Variants in PARD3 observed in about 807,000 individuals in gnomAD.
PARD3 encodes the protein partitioning defective 3 homolog.
A neutral mutation model predicts 155.4 loss-of-function variants in PARD3; 75 were observed. That is an observed-to-expected ratio of 0.48 (90% CI 0.40 to 0.58). PARD3 has a LOEUF of 0.58. Among genes scored for constraint, PARD3 ranks in the 20% least tolerant of loss-of-function variants. PARD3 has a pLI of 0.00. For missense variants in PARD3, 1,642 were observed against 1,721.7 expected (o/e 0.95, Z 0.82); for synonymous variants, 576 against 610.5 (o/e 0.94, Z 0.83).
intron 3 of PARD3, among the ~76,000 whole-genome samples, chr10:34,480,751 A>G (rs1009114434): frequency 6.7e-6 from 1 of 148,926 alleles, no homozygotes; most frequent in Non-Finnish European, 1.5e-5. Flanking sequence ...TTTATTTTAA[A>G]CTTTTATTTT....
At chr10:34,614,778 G>GA (rs960358107) in intron 2 of PARD3, among the ~76,000 whole-genome samples, 4 of 151,566 alleles carry the variant, frequency 2.6e-5, no homozygotes, top group South Asian at 2.1e-4. Context: ...CACAGAAATG[G>GA]AAAAAAAATC....
intron 15 of PARD3, chr10:34,345,349 GAGTCC>G: frequency 1.0e-6 from 1 of 985,242 alleles, no homozygotes; most frequent in South Asian, 4.7e-5. Context: ...GTTTAGCCTA[GAGTCC>G]TACATAGGGG....
chr10:34,295,894 C>G (rs1162338030), intron 20 of PARD3, among the ~76,000 whole-genome samples: 1 of 152,170 alleles, frequency 6.6e-6, no homozygotes, highest in African/African-American at 2.4e-5. Context: ...CAGATGTACC[C>G]TGCCTTAAAA....
At position 34,126,373 on chromosome 10, in the gene PARD3, A is replaced by G. The variant is rs991365693; in HGVS notation, c.3540+5090T>C. ...AATTTTCCGCAGCATCCTGCTCTGT[A>G]TGTAAAGTAATTGGCTTACATATTT... On this transcript the variant is annotated intron_variant, in intron 23 of 24. Coordinates refer to ENST00000374788, the MANE Select transcript of PARD3 (RefSeq NM_001184785.2). Among the ~76,000 whole-genome samples, 48 of 152,206 alleles carry G rather than the reference A, an allele frequency of 3.2e-4. 1 individual carries two copies.
chr10:34,789,041 G>A (rs1841325485), intron 1 of PARD3, among the ~76,000 whole-genome samples: 1 of 152,188 alleles, frequency 6.6e-6, no homozygotes, highest in Non-Finnish European at 1.5e-5. Flanking sequence ...TATTTTAAAT[G>A]ATGAAAAATG....
At chr10:34,268,256 G>A (rs1341158271) in intron 22 of PARD3, among the ~76,000 whole-genome samples, 2 of 151,972 alleles carry the variant, frequency 1.3e-5, no homozygotes, top group Non-Finnish European at 2.9e-5. Context: ...TTAGAATGGT[G>A]ATCATTAAAA....
chr10:34,779,214 G>C (rs1447538666), intron 1 of PARD3, among the ~76,000 whole-genome samples: 1 of 151,864 alleles, frequency 6.6e-6, no homozygotes, highest in South Asian at 2.1e-4. Flanking sequence ...GCTGAGGCAG[G>C]AGAATCGCTT....
intron 2 of PARD3, among the ~76,000 whole-genome samples, chr10:34,526,062 C>G (rs1446414336): frequency 8.9e-6 from 1 of 112,684 alleles, no homozygotes; most frequent in Non-Finnish European, 1.6e-5. Flanking sequence ...AGCCTGGTGG[C>G]AGAGAGAGAC....
intron 1 of PARD3, among the ~76,000 whole-genome samples, chr10:34,708,267 GAA>G (rs36035625): frequency 2.9e-5 from 4 of 138,014 alleles, no homozygotes; most frequent in Non-Finnish European, 4.7e-5. Context: ...ATCTTTAAAG[GAA>G]AAAAAAAAAA....
intron 2 of PARD3, among the ~76,000 whole-genome samples, chr10:34,661,791 C>T (rs977411422): frequency 2.6e-5 from 4 of 152,126 alleles, no homozygotes; most frequent in Non-Finnish European, 4.4e-5. Context: ...GAGGGACCGC[C>T]CAGACAGTAA....
chr10:34,410,384 CATT>C (rs1265505244), intron 5 of PARD3, among the ~76,000 whole-genome samples: 8 of 151,888 alleles, frequency 5.3e-5, no homozygotes, highest in African/African-American at 1.7e-4. Flanking sequence ...TTATTGCAAT[CATT>C]AAAGAAACAA....
chr10:34,176,099 CATG>C (rs1441096125), intron 22 of PARD3, among the ~76,000 whole-genome samples: 1 of 152,134 alleles, frequency 6.6e-6, no homozygotes, highest in African/African-American at 2.4e-5. Context: ...TCTAATTTGA[CATG>C]ATTTTTACCA....
chr10:34,374,339 T>A (rs2384218), intron 11 of PARD3, among the ~76,000 whole-genome samples: 90,749 of 152,064 alleles, frequency 0.6, 29,146 homozygotes, highest in African/African-American at 0.85. Flanking sequence ...CTAAGTAACA[T>A]GACCTATATT....
intron 1 of PARD3, among the ~76,000 whole-genome samples, chr10:34,787,611 G>A (rs531473724): frequency 3.9e-5 from 6 of 152,164 alleles, no homozygotes; most frequent in African/African-American, 4.8e-5. Context: ...TTTATATCTC[G>A]TTAAAGATGG....
At chr10:34,382,418 T>G in intron 9 of PARD3, 122 bp downstream of exon 9, 1 of 896,012 alleles carries the variant, frequency 1.1e-6, no homozygotes, top group Non-Finnish European at 1.7e-6. Context: ...CACAAAATAA[T>G]TAGATAAGAC....
intron 2 of PARD3, among the ~76,000 whole-genome samples, chr10:34,670,453 T>C (rs888600809): frequency 6.6e-6 from 1 of 152,216 alleles, no homozygotes; most frequent in African/African-American, 2.4e-5. Context: ...ATTATCTTCA[T>C]ATCGCCTGGT....
At chr10:34,597,773 C>T (rs544220016) in intron 2 of PARD3, among the ~76,000 whole-genome samples, 29 of 152,194 alleles carry the variant, frequency 1.9e-4, no homozygotes, top group South Asian at 6.2e-4. Flanking sequence ...GGGGACCACA[C>T]CTTGACCCTG....
At chr10:34,599,113 C>A (rs1467917717) in intron 2 of PARD3, among the ~76,000 whole-genome samples, 1 of 152,140 alleles carries the variant, frequency 6.6e-6, no homozygotes, top group Non-Finnish European at 1.5e-5. Flanking sequence ...CACACTCCCC[C>A]AAACAAAACA....
chr10:34,527,173 A>T (rs2082543802), intron 2 of PARD3, among the ~76,000 whole-genome samples: 1 of 152,228 alleles, frequency 6.6e-6, no homozygotes, highest in Non-Finnish European at 1.5e-5. Flanking sequence ...ATTTGCACAA[A>T]GTCATGGAAA....
Sources: allele counts gnomAD v4.1 joint callset (sites outside exome capture counted in the v4.1 genomes callset), GRCh38; gene constraint gnomAD v4.1.1; transcripts MANE v1.5; gene names NCBI Gene and HGNC (gene_info 2026-07-23, HGNC 2026-07-21).